Variants in ATP9A observed in about 807,000 individuals in gnomAD.
ATP9A encodes probable phospholipid-transporting ATPase IIA.
A neutral mutation model predicts 144.1 loss-of-function variants in ATP9A; 52 were observed. That is an observed-to-expected ratio of 0.36 (90% confidence interval 0.29 to 0.45). The LOEUF (loss-of-function observed/expected upper bound fraction) is 0.45. ATP9A is among the 20% of genes least tolerant of loss of function. ATP9A has a pLI of 1.00. For missense variants in ATP9A, 947 were observed against 1,392.7 expected, an observed-to-expected ratio of 0.68 and a Z score of 5.09; for synonymous variants, 582 against 557.4, an observed-to-expected ratio of 1.04 and a Z score of -0.62.
In ATP9A at chr20:51,604,794, G is replaced by T. The variant is rs192009424; in HGVS notation, c.3007+23C>A. The T allele has an allele frequency of 1.9e-5, 28 of 1,468,920 alleles. 1 individual carries two copies. The Middle Eastern group carries it at 7.4e-4, about 39-fold the overall frequency. 91.0% of individuals were successfully genotyped at this position (1,468,920 alleles called of 1,614,324 possible). On this transcript the variant is annotated intron_variant, in intron 27 of 27. Coordinates refer to ENST00000338821, the MANE Select transcript of ATP9A (RefSeq NM_006045.3). ...AGATTCACTGGGGGTGACGGACGGG[G>T]TTTAAGCATTCAGGGGTCTTACCGA... is the stretch of plus-strand genomic sequence containing the variant.
intron 9 of ATP9A, among the ~76,000 whole-genome samples, chr20:51,687,814 G>A (rs972898922): frequency 1.4e-5 from 2 of 142,432 alleles, no homozygotes; most frequent in African/African-American, 5.3e-5. Flanking sequence ...AAAGAGAGAA[G>A]CAACCAGCAG....
intron 3 of ATP9A, among the ~76,000 whole-genome samples, chr20:51,720,638 A>C (rs1416141678): frequency 6.6e-6 from 1 of 152,196 alleles, no homozygotes; most frequent in Non-Finnish European, 1.5e-5. Flanking sequence ...GTTTGATAGC[A>C]GCGTGGCCAC....
intron 3 of ATP9A, among the ~76,000 whole-genome samples, chr20:51,723,455 T>G (rs1267737024): frequency 1.3e-5 from 2 of 151,580 alleles, no homozygotes; most frequent in African/African-American, 2.4e-5. Flanking sequence ...GTGCCTGTAG[T>G]CCCAGCCACA....
At chr20:51,675,684 A>G (rs2077473983) in intron 10 of ATP9A, among the ~76,000 whole-genome samples, 1 of 152,202 alleles carries the variant, frequency 6.6e-6, no homozygotes, top group African/African-American at 2.4e-5. Flanking sequence ...GCTTGAGACC[A>G]GCCTGGCCAA....
Position 51,760,674 on chromosome 20 carries a change from C to T in ATP9A, c.68+7628G>A, listed in dbSNP as rs527369533. ...CTGGGAGGTGGAGGTTGCAGTGAGCCAAGATCACGCCACTGCACTCCAGCC... is the reference window on the plus strand; with the variant it reads ...CTGGGAGGTGGAGGTTGCAGTGAGCTAAGATCACGCCACTGCACTCCAGCC... On this transcript the variant is annotated intron_variant, in intron 1 of 27. Transcript: ENST00000338821. Among the ~76,000 whole-genome samples the T allele has an allele frequency of 9.9e-4, 144 of 146,076 alleles. 1 individual carries two copies. The highest frequency in any genetic ancestry group is 3.8e-3 in the Middle Eastern group (1 of 264).
At chr20:51,748,404 TG>T (rs2077817171) in intron 1 of ATP9A, among the ~76,000 whole-genome samples, 1 of 152,172 alleles carries the variant, frequency 6.6e-6, no homozygotes, top group South Asian at 2.1e-4. Context: ...TCCAGTGGGA[TG>T]GGGCACACCG....
chr20:51,635,182 G>A (rs1162270614), intron 15 of ATP9A, among the ~76,000 whole-genome samples: 2 of 152,204 alleles, frequency 1.3e-5, no homozygotes, highest in African/African-American at 4.8e-5. Flanking sequence ...GCTGACAGGG[G>A]AGCTGACTAC....
chr20:51,752,416 C>T (rs1047245382), intron 1 of ATP9A, among the ~76,000 whole-genome samples: 1 of 152,230 alleles, frequency 6.6e-6, no homozygotes. Context: ...GGATTTCTCT[C>T]GCACGTGTTG....
intron 14 of ATP9A, among the ~76,000 whole-genome samples, chr20:51,650,632 ATAT>A (rs2077360180): frequency 6.6e-6 from 1 of 152,194 alleles, no homozygotes; most frequent in African/African-American, 2.4e-5. Context: ...GTATACTCAG[ATAT>A]TAATAACAGC....
At chr20:51,713,954 T>C (rs2077650795) in intron 3 of ATP9A, among the ~76,000 whole-genome samples, 1 of 152,168 alleles carries the variant, frequency 6.6e-6, no homozygotes, top group African/African-American at 2.4e-5. Context: ...GTCACCAGGC[T>C]GGAGTGCAGT....
rs2077213804 is a variant in ATP9A at position 51,618,765 on chromosome 20, G to C, written c.2247C>G (p.Ala749=). Residue 749 remains alanine (A), a synonymous_variant, in exon 21 of 28, where the codon GCC becomes GCG. Transcript: ENST00000338821. ...AGCAGACTACGGCCGGGCACTGGCA[G>C]GCCAGCTCCATGAACTCGTACTCAT... ...KYYEYEFMEL[A]CQCPAVVCCR... 6.2e-7 allele frequency: 1 copy of C among 1,607,400 alleles called. No homozygotes were observed. The highest frequency in any genetic ancestry group is 2.2e-5 in the East Asian group (1 of 44,776).
chr20:51,759,336 G>T (rs1325932881), intron 1 of ATP9A, among the ~76,000 whole-genome samples: 2 of 152,182 alleles, frequency 1.3e-5, no homozygotes, highest in South Asian at 2.1e-4. Flanking sequence ...TATATGCTTG[G>T]TATCTAATAC....
At position 51,675,951 on chromosome 20, in the gene ATP9A, C is replaced by T. The variant is rs538435506; in HGVS notation, c.876+181G>A. Among the ~76,000 whole-genome samples, 126 of 150,488 alleles carry T rather than the reference C, an allele frequency of 8.4e-4. 1 individual carries two copies. Among genetic ancestry groups the T allele is most frequent in the Non-Finnish European group, 1.2e-3 (79 of 67,798 alleles). ...AAACATGTAACTACATATTTACGTACTGTATTATATATGTGTATTGTATAT... is the reference window on the plus strand; with the variant it reads ...AAACATGTAACTACATATTTACGTATTGTATTATATATGTGTATTGTATAT... On this transcript the variant is annotated intron_variant, in intron 10 of 27. Coordinates refer to ENST00000338821, the MANE Select transcript of ATP9A (RefSeq NM_006045.3).
chr20:51,663,899 C>T lies in ATP9A; in HGVS notation c.1293+6098G>A, dbSNP rs188762083. On this transcript the variant is annotated intron_variant, in intron 13 of 27. Transcript: ENST00000338821. ...CTCTCTGGCAGTCAGTACTGATGAA[C>T]TGAGTGCATCCTGTGTATATATGTT... Among the ~76,000 whole-genome samples, 6 of 151,930 alleles carry T rather than the reference C, an allele frequency of 3.9e-5. No homozygotes were observed. In the East Asian group the frequency reaches 1.2e-3, roughly 29 times the overall value.
At chr20:51,721,140 T>C (rs6021398) in intron 3 of ATP9A, among the ~76,000 whole-genome samples, 1,543 of 152,354 alleles carry the variant, frequency 0.01, 28 homozygotes, top group African/African-American at 0.035. Context: ...TCTGATAACA[T>C]GGCACGTACG....
At position 51,761,578 on chromosome 20, in the gene ATP9A, G is replaced by A. The variant is rs918786690; in HGVS notation, c.68+6724C>T. Among the ~76,000 whole-genome samples, 17 of 151,992 alleles carry A rather than the reference G, an allele frequency of 1.1e-4. No individual in the cohort carries two copies. The East Asian group carries it at 1.4e-3, about 12-fold the overall frequency. Reference sequence around the variant, plus strand: ...AGATCCAGACCATCCTGGCTAACACGGTGAAACCCCGTCTCTAATAAAATA... The same window carrying A: ...AGATCCAGACCATCCTGGCTAACACAGTGAAACCCCGTCTCTAATAAAATA... On this transcript the variant is annotated intron_variant, in intron 1 of 27. Transcript: ENST00000338821.
At chr20:51,628,084 G>A (rs192250862) in intron 16 of ATP9A, among the ~76,000 whole-genome samples, 9 of 152,296 alleles carry the variant, frequency 5.9e-5, no homozygotes, top group African/African-American at 9.6e-5. Flanking sequence ...CCCAGGAAGT[G>A]GAGGTGTCAA....
rs749000986 is a variant in ATP9A at position 51,739,349 on chromosome 20, CTTTTTTTTT to C, written c.69-9380_69-9372del. Among the ~76,000 whole-genome samples, 70 of 134,674 alleles carry C rather than the reference CTTTTTTTTT, an allele frequency of 5.2e-4. 2 individuals are homozygous for C. Among genetic ancestry groups the C allele is most frequent in the African/African-American group, 1.9e-3 (68 of 36,738 alleles). The allele number at this position is 134,674 out of a possible 152,430, so 88.4% of individuals were successfully genotyped here. ...AGTTTTCTTCTATCCTACACTCACT[CTTTTTTTTT>C]TTTTTTTTTTGAGATGGAGTCTTGC... On this transcript the variant is annotated intron_variant, in intron 1 of 27. Transcript: ENST00000338821.
chr20:51,655,456 G>A (rs953230063), intron 14 of ATP9A, among the ~76,000 whole-genome samples: 28 of 150,866 alleles, frequency 1.9e-4, no homozygotes, highest in African/African-American at 6.6e-4. Context: ...CAGACAAAGT[G>A]AAAATGGATA....
Sources: gnomAD v4.1 joint callset for allele counts (sites outside exome capture counted in the v4.1 genomes callset) on GRCh38, gnomAD v4.1.1 for gene constraint, MANE v1.5 for transcripts, NCBI Gene and HGNC (gene_info 2026-07-23, HGNC 2026-07-21) for gene names.